Variants in ZER1 observed in about 807,000 individuals in gnomAD.
The protein encoded by ZER1 is protein zer-1 homolog.
A neutral mutation model predicts 78.8 loss-of-function variants in ZER1; 11 were observed. The ratio of observed to expected loss-of-function variants is 0.14; its 90% CI spans 0.09 to 0.23. The LOEUF is 0.23. ZER1 is among the 10% of genes least tolerant of loss of function. The pLI, the probability that ZER1 is intolerant of heterozygous loss-of-function variation, is 1.00. For missense variants in ZER1, 588 were observed against 996.9 expected (o/e 0.59, Z 5.52); for synonymous variants, 400 against 407.0 (o/e 0.98, Z 0.21).
At chr9:128,734,147 A>T (rs1216994663) in intron 14 of ZER1, among the ~76,000 whole-genome samples, 1 of 37,858 alleles carries the variant, frequency 2.6e-5, no homozygotes, top group Non-Finnish European at 5.2e-5. Flanking sequence ...AAAAAAAAAT[A>T]TATATATATA....
Position 128,739,993 on chromosome 9 carries a change from C to T in ZER1, c.1980G>A (p.Glu660=). Residue 660 remains glutamate, a synonymous_variant, in exon 13 of 16, where the codon GAG becomes GAA. Coordinates refer to ENST00000291900, the MANE Select transcript of ZER1 (RefSeq NM_006336.4). The stretch of plus-strand genomic sequence containing the variant: ...TCTGGATGGCAGCCCACATGCGTTC[C>T]TCCACCTCCTCACGCTGGGGCTCAC... ...GVCEPQREEV[E]ERMWAAIQSW... 1 of 1,614,054 alleles carries T rather than the reference C, an allele frequency of 6.2e-7. No individual in the cohort carries two copies. Among genetic ancestry groups the T allele is most frequent in the Non-Finnish European group, 8.5e-7 (1 of 1,179,934 alleles).
chr9:128,767,390 C>T (rs1163559012), intron 1 of ZER1, among the ~76,000 whole-genome samples: 1 of 151,902 alleles, frequency 6.6e-6, no homozygotes, highest in Non-Finnish European at 1.5e-5. Context: ...TGACTACAGA[C>T]GTATACCAAC....
chr9:128,771,012 G>C (rs991666180), intron 1 of ZER1, among the ~76,000 whole-genome samples: 2 of 152,082 alleles, frequency 1.3e-5, no homozygotes, highest in African/African-American at 4.8e-5. Context: ...TCTATTTAAA[G>C]AAAAACAAAA....
intron 8 of ZER1, among the ~76,000 whole-genome samples, chr9:128,746,881 C>T (rs1371597241): frequency 1.3e-5 from 2 of 152,000 alleles, no homozygotes; most frequent in Admixed American, 6.6e-5. Context: ...GGTGATCCAC[C>T]CACCTTGGCC....
intron 8 of ZER1, among the ~76,000 whole-genome samples, chr9:128,747,737 C>T (rs144668866): frequency 2.0e-4 from 31 of 152,128 alleles, no homozygotes; most frequent in Admixed American, 8.5e-4. Flanking sequence ...CCTTAGCCTC[C>T]GGAGTGGAGT....
intron 13 of ZER1, among the ~76,000 whole-genome samples, chr9:128,737,151 A>C (rs896974949): frequency 6.6e-6 from 1 of 151,940 alleles, no homozygotes; most frequent in Non-Finnish European, 1.5e-5. Flanking sequence ...CTCAAAAAAA[A>C]AATTTTTTTT....
intron 1 of ZER1, among the ~76,000 whole-genome samples, chr9:128,768,775 C>T (rs945529211): frequency 1.3e-5 from 2 of 152,208 alleles, no homozygotes; most frequent in Non-Finnish European, 2.9e-5. Flanking sequence ...CAGCCTCTGC[C>T]GGGCACTTCC....
At chr9:128,768,739 T>C (rs1864292157) in intron 1 of ZER1, among the ~76,000 whole-genome samples, 1 of 152,092 alleles carries the variant, frequency 6.6e-6, no homozygotes, top group African/African-American at 2.4e-5. Context: ...GTGGTTCTGC[T>C]TCCTATAAAG....
chr9:128,764,644 G>A (rs1457943370), intron 1 of ZER1, among the ~76,000 whole-genome samples: 1 of 152,174 alleles, frequency 6.6e-6, no homozygotes, highest in Non-Finnish European at 1.5e-5. Flanking sequence ...AGAGACTGAA[G>A]GGCCCCGGGG....
At chr9:128,766,204 C>T (rs933425078) in intron 1 of ZER1, among the ~76,000 whole-genome samples, 5 of 151,972 alleles carry the variant, frequency 3.3e-5, no homozygotes, top group Middle Eastern at 3.2e-3. Flanking sequence ...CAAAAATTAG[C>T]AGGGCGTGGT....
At chr9:128,768,816 A>G (rs1207193784) in intron 1 of ZER1, among the ~76,000 whole-genome samples, 1 of 152,124 alleles carries the variant, frequency 6.6e-6, no homozygotes, top group Non-Finnish European at 1.5e-5. Flanking sequence ...TAGATCAGCC[A>G]CGCACACTCC....
intron 1 of ZER1, among the ~76,000 whole-genome samples, chr9:128,762,990 C>G (rs1191398717): frequency 6.6e-6 from 1 of 152,200 alleles, no homozygotes; most frequent in East Asian, 1.9e-4. Context: ...CTACTTGGTC[C>G]CCACTGCCCC....
chr9:128,733,817 A>T (rs572811358), intron 14 of ZER1, among the ~76,000 whole-genome samples: 9 of 145,270 alleles, frequency 6.2e-5, no homozygotes, highest in African/African-American at 1.5e-4. Context: ...TATATATATA[A>T]AATATATAAT....
At position 128,751,058 on chromosome 9, in the gene ZER1, G is replaced by A; in HGVS notation, c.1185+64C>T. On this transcript the variant is annotated intron_variant, in intron 7 of 15. Coordinates refer to ENST00000291900, the MANE Select transcript of ZER1 (RefSeq NM_006336.4). This position sits in a 1 kb window ranked among gnomAD's most constrained non-coding sequence, Gnocchi z 5.4. ...ACACAGGCTCTGGGGACACGGCTCA[G>A]CCAAGCCCGGCAACCTCCAGGTGGG... 10 of 1,527,762 alleles carry A rather than the reference G, an allele frequency of 6.5e-6. No homozygotes were observed. In the South Asian group the frequency reaches 1.1e-4, roughly 17 times the overall value. 94.6% of individuals were successfully genotyped at this position (1,527,762 alleles called of 1,614,324 possible). A position where few individuals can be genotyped will look rare whatever the true frequency, so the allele number is the denominator to read the frequency against.
intron 8 of ZER1, 96 bp from the exon 9 acceptor site, chr9:128,742,841 G>T: frequency 7.6e-7 from 1 of 1,307,918 alleles, no homozygotes; most frequent in Non-Finnish European, 1.0e-6. Context: ...ATCCAGAGTT[G>T]TGGCAGTCCA....
At chr9:128,766,783 T>C (rs961389239) in intron 1 of ZER1, among the ~76,000 whole-genome samples, 1 of 134,776 alleles carries the variant, frequency 7.4e-6, no homozygotes, top group African/African-American at 2.7e-5. Flanking sequence ...GAGGCAGAGG[T>C]TGCAGTGAGC....
At position 128,769,006 on chromosome 9, in the gene ZER1, C is replaced by T. The variant is rs1019802551; in HGVS notation, c.-95+2575G>A. Among the ~76,000 whole-genome samples the T allele has an allele frequency of 2.8e-4, 42 of 152,182 alleles. 1 individual carries two copies. Among genetic ancestry groups the T allele is most frequent in the African/African-American group, 1.0e-3 (42 of 41,504 alleles). On this transcript the variant is annotated intron_variant, in intron 1 of 15. Coordinates refer to ENST00000291900, the MANE Select transcript of ZER1 (RefSeq NM_006336.4). ...TGTTCTCCAGACTGGTCTCAAACTC[C>T]TGGCCTCAAGCGATCCTCCCAAAGC...
In ZER1 at chr9:128,742,543, A is replaced by G; in HGVS notation, c.1562T>C (p.Met521Thr). The G allele has an allele frequency of 6.2e-7, 1 of 1,614,098 alleles. No individual in the cohort carries two copies. The highest frequency in any genetic ancestry group is 8.5e-7 in the Non-Finnish European group (1 of 1,180,034). ...CCCCACACGTACCACGACAAAGCCC[A>G]TCTTGCCCACGGCCTCCTTGTGGTC... ...DNDHKEAVGK[M>T]GFVVTMLKLI... The change falls in exon 9 of 16, where the codon ATG (methionine) becomes ACG (threonine). Residue 521 changes from methionine to threonine, a missense_variant. Transcript: ENST00000291900.
chr9:128,759,177 T>C (rs1863961338), intron 1 of ZER1, among the ~76,000 whole-genome samples: 1 of 151,654 alleles, frequency 6.6e-6, no homozygotes, highest in Non-Finnish European at 1.5e-5. Context: ...ATATTGTTTT[T>C]TTTTTTCTTT....
Sources: allele counts gnomAD v4.1 joint callset (sites outside exome capture counted in the v4.1 genomes callset), GRCh38; gene constraint gnomAD v4.1.1; non-coding constraint Gnocchi (gnomAD v3.1); transcripts MANE v1.5; gene names NCBI Gene and HGNC (gene_info 2026-07-23, HGNC 2026-07-21).